Variants in SESTD1 observed in about 807,000 individuals in gnomAD.
SESTD1 encodes the protein SEC14 domain and spectrin repeat-containing protein 1.
Under a neutral mutation model 101.7 loss-of-function variants are expected in SESTD1, and 43 were observed. The ratio of observed to expected loss-of-function variants is 0.42; its 90% CI spans 0.33 to 0.55. The LOEUF is 0.55. Among genes scored for constraint, SESTD1 ranks in the 20% least tolerant of loss-of-function variants. The probability of loss-of-function intolerance (pLI) is 0.07; values close to 1 mark genes in which losing one functional copy is unlikely to be tolerated. For missense variants in SESTD1, 647 were observed against 815.1 expected, an observed-to-expected ratio of 0.79 and a Z score of 2.51; for synonymous variants, 283 against 286.8, an observed-to-expected ratio of 0.99 and a Z score of 0.13.
chr2:179,229,774 T>TAC (rs1553529859), intron 1 of SESTD1, among the ~76,000 whole-genome samples: 53 of 115,036 alleles, frequency 4.6e-4, no homozygotes, highest in Non-Finnish European at 6.9e-4. Flanking sequence ...TATATATATA[T>TAC]ACTCAAATAC....
intron 1 of SESTD1, among the ~76,000 whole-genome samples, chr2:179,248,021 C>T (rs1474659106): frequency 6.6e-6 from 1 of 151,520 alleles, no homozygotes; most frequent in Non-Finnish European, 1.5e-5. Context: ...AAGCTCCCAT[C>T]TCAAGAGCAA....
intron 2 of SESTD1, among the ~76,000 whole-genome samples, chr2:179,188,011 G>C (rs929365334): frequency 6.6e-6 from 1 of 152,140 alleles, no homozygotes; most frequent in African/African-American, 2.4e-5. Flanking sequence ...TCCACCGATA[G>C]AGTTAGACAG....
At chr2:179,264,281 C>G (rs2047526054) in intron 1 of SESTD1, 1 of 151,602 alleles carries the variant, frequency 6.6e-6, no homozygotes, top group East Asian at 1.9e-4. Flanking sequence ...TCTGTGGCGG[C>G]AAGGCGGTGG....
intron 1 of SESTD1, among the ~76,000 whole-genome samples, chr2:179,252,011 C>T (rs1455577999): frequency 4.6e-5 from 7 of 152,136 alleles, no homozygotes; most frequent in African/African-American, 1.7e-4. Context: ...TTCTTATTTC[C>T]ACAGTATCTG....
At position 179,105,825 on chromosome 2, in the gene SESTD1, A is replaced by C. The variant is rs569667033; in HGVS notation, c.*4074T>G. The C allele has an allele frequency of 5.9e-5, 9 of 152,300 alleles. No homozygotes were observed. Among genetic ancestry groups the C allele is most frequent in the African/African-American group, 1.4e-4 (6 of 41,578 alleles). 9.4% of individuals were successfully genotyped at this position (152,300 alleles called of 1,614,324 possible). A position where few individuals can be genotyped will look rare whatever the true frequency, so the allele number is the denominator to read the frequency against. On this transcript the variant is annotated 3_prime_UTR_variant, in exon 18 of 18. Coordinates refer to ENST00000428443, the MANE Select transcript of SESTD1 (RefSeq NM_178123.5). ...TGGCAAAGCCAGATTTTTGAAGCCA[A>C]GTATTCAAGCTCCAAACACTTTCCA...
Position 179,132,351 on chromosome 2 carries a change from AG to A in SESTD1, c.924del (p.Ser309ProfsTer33), listed in dbSNP as rs2045031553. The A allele has an allele frequency of 6.4e-7, 1 of 1,566,546 alleles. No individual in the cohort carries two copies. Among genetic ancestry groups the A allele is most frequent in the Non-Finnish European group, 8.6e-7 (1 of 1,165,764 alleles). On this transcript the variant is annotated frameshift_variant, in exon 10 of 18. Coordinates refer to ENST00000428443, the MANE Select transcript of SESTD1 (RefSeq NM_178123.5). LOFTEE classifies it high-confidence loss of function. ...AQWGIGDSIR[A>X]SQALQQKHEE... Reference sequence around the variant, plus strand: ...TCGTGTTTCTGCTGTAGGGCCTGGGAGGCCCTAATGGAGTCTCCAATGCCCC... The same window carrying A: ...TCGTGTTTCTGCTGTAGGGCCTGGGAGCCCTAATGGAGTCTCCAATGCCCC...
rs909353694 is a variant in SESTD1, at chr2:179,213,468, G to A, written c.-25-21602C>T. 3.0e-5 allele frequency among the ~76,000 whole-genome samples: 4 copies of A among 134,408 alleles called. 2 individuals are homozygous for A. In the South Asian group the frequency reaches 1.1e-3, roughly 38 times the overall value. The allele number at this position is 134,408 out of a possible 152,430, so 88.2% of individuals were successfully genotyped here. On this transcript the variant is annotated intron_variant, in intron 1 of 17. Coordinates refer to ENST00000428443, the MANE Select transcript of SESTD1 (RefSeq NM_178123.5). ...TAAAGAAAAAAGAGTAAAAAGAAAC[G>A]AACAAAGCCTCCAAGAAATATGGGA...
chr2:179,197,689 A>T (rs1427633054), intron 1 of SESTD1, among the ~76,000 whole-genome samples: 1 of 152,216 alleles, frequency 6.6e-6, no homozygotes, highest in Non-Finnish European at 1.5e-5. Flanking sequence ...TCAACCCAGA[A>T]TTTCATATCC....
chr2:179,186,219 C>T (rs1408531849), intron 2 of SESTD1, among the ~76,000 whole-genome samples: 1 of 151,854 alleles, frequency 6.6e-6, no homozygotes, highest in East Asian at 1.9e-4. Flanking sequence ...GTCCAAATAA[C>T]TCTGAGTTGG....
intron 1 of SESTD1, among the ~76,000 whole-genome samples, chr2:179,263,709 AC>A (rs1436512383): frequency 6.6e-6 from 1 of 152,184 alleles, no homozygotes; most frequent in African/African-American, 2.4e-5. Flanking sequence ...CCAAGTCCAA[AC>A]CGTGCATCCC....
At chr2:179,240,456 G>T (rs764429183) in intron 1 of SESTD1, among the ~76,000 whole-genome samples, 1 of 152,070 alleles carries the variant, frequency 6.6e-6, no homozygotes, top group African/African-American at 2.4e-5. Context: ...GACTGACTAG[G>T]GGCCTCAGGA....
At chr2:179,124,236 C>T in intron 11 of SESTD1, 128 bp downstream of exon 11, 2 of 834,726 alleles carry the variant, frequency 2.4e-6, no homozygotes, top group South Asian at 2.1e-5. Flanking sequence ...ATCTCATTAC[C>T]CCCACCAGTA....
In SESTD1 at chr2:179,185,875, T is replaced by C. The variant is rs528194102; in HGVS notation, c.56-2687A>G. On this transcript the variant is annotated intron_variant, in intron 2 of 17. Transcript: ENST00000428443. ...ACAATATAGTATGTTATATACAATA[T>C]ATAATATAGCATATACAATATAGTA... 2.4e-3 allele frequency among the ~76,000 whole-genome samples: 323 copies of C among 135,482 alleles called. 1 individual carries two copies. Among genetic ancestry groups the C allele is most frequent in the African/African-American group, 8.5e-3 (312 of 36,884 alleles). 88.9% of individuals were successfully genotyped at this position (135,482 alleles called of 152,430 possible).
chr2:179,257,857 C>T (rs1208676430), intron 1 of SESTD1, among the ~76,000 whole-genome samples: 5 of 152,056 alleles, frequency 3.3e-5, no homozygotes, highest in Admixed American at 1.3e-4. Context: ...GGTAGTTAAA[C>T]CAAACAGTAA....
intron 2 of SESTD1, among the ~76,000 whole-genome samples, chr2:179,183,833 GGAGAGAGA>G (rs368416135): frequency 7.1e-6 from 1 of 141,474 alleles, no homozygotes; most frequent in Non-Finnish European, 1.5e-5. Flanking sequence ...AGAAAAGAAA[GGAGAGAGA>G]GAGAGAGAGA....
At chr2:179,252,395 T>C (rs767786644) in intron 1 of SESTD1, among the ~76,000 whole-genome samples, 1 of 152,224 alleles carries the variant, frequency 6.6e-6, no homozygotes, top group Admixed American at 6.5e-5. Context: ...TGAGCTTTCA[T>C]CTGGCTGTGA....
intron 1 of SESTD1, among the ~76,000 whole-genome samples, chr2:179,210,755 T>C (rs1293744908): frequency 7.5e-6 from 1 of 133,814 alleles, no homozygotes; most frequent in Non-Finnish European, 1.6e-5. Context: ...TTGAAAGCAT[T>C]CCCCCTGAGA....
rs1042207133 is a variant in SESTD1 at position 179,109,270 on chromosome 2, T to C, written c.*629A>G. Reference sequence around the variant, plus strand: ...AATGCCCTTTTAAATAAGGCACTCATGTTTGGAAATAGGATGTAACTACTA... The same window carrying C: ...AATGCCCTTTTAAATAAGGCACTCACGTTTGGAAATAGGATGTAACTACTA... On this transcript the variant is annotated 3_prime_UTR_variant, in exon 18 of 18. Transcript: ENST00000428443. 4.6e-5 allele frequency: 7 copies of C among 153,610 alleles called. No individual in the cohort carries two copies. The highest frequency in any genetic ancestry group is 1.2e-4 in the African/African-American group (5 of 41,632). The allele number at this position is 153,610 out of a possible 1,614,324, so 9.5% of individuals were successfully genotyped here. A position where few individuals can be genotyped will look rare whatever the true frequency, so the allele number is the denominator to read the frequency against.
chr2:179,191,866 T>C lies in SESTD1; in HGVS notation c.-25A>G. 1 of 1,589,552 alleles carries C rather than the reference T, an allele frequency of 6.3e-7. No individual in the cohort carries two copies. The highest frequency in any genetic ancestry group is 8.6e-7 in the Non-Finnish European group (1 of 1,162,138). On this transcript the variant is annotated splice_region_variant and 5_prime_UTR_variant, in exon 2 of 18. Transcript: ENST00000428443. ...TTTTACTCCAGTGAACTTCCTTAAT[T>C]CTGAAAACACAGAAAGTCAAATGTC...
Sources: gnomAD v4.1 joint callset for allele counts (sites outside exome capture counted in the v4.1 genomes callset) on GRCh38, gnomAD v4.1.1 for gene constraint, MANE v1.5 for transcripts, NCBI Gene and HGNC (gene_info 2026-07-23, HGNC 2026-07-21) for gene names.